SRGAP2: variants seen among roughly 807,000 people sequenced by gnomAD.
SRGAP2 encodes the protein SLIT-ROBO Rho GTPase activating protein 2, also known as SLIT-ROBO Rho GTPase-activating protein 2.
In SRGAP2, 15 loss-of-function variants were observed where a neutral mutation model predicts 57.2. The ratio of observed to expected loss-of-function variants is 0.26; its 90% CI spans 0.18 to 0.40. SRGAP2 has a LOEUF of 0.40. Ranked by LOEUF, SRGAP2 falls within the 10% of genes least tolerant of loss-of-function variation. The pLI is 1.00. For synonymous variants in SRGAP2, 249 were observed against 248.0 expected (o/e 1.00, Z -0.04); for missense variants, 520 against 669.6 (o/e 0.78, Z 2.47).
intron 2 of SRGAP2, among the ~76,000 whole-genome samples, chr1:206,283,194 T>A (rs1670828686): frequency 6.6e-6 from 1 of 152,038 alleles, no homozygotes; most frequent in Non-Finnish European, 1.5e-5. Flanking sequence ...AATTTCTGTA[T>A]ACTCCTACAG....
chr1:206,450,581 A>C (rs1663182214), intron 19 of SRGAP2, 116 bp downstream of exon 19: 2 of 635,820 alleles, frequency 3.1e-6, no homozygotes, highest in African/African-American at 3.6e-5. Context: ...GAGGGCAGGC[A>C]GAGAGCTCCC....
chr1:206,454,355 G>A lies in SRGAP2; in HGVS notation c.2361-523G>A. On this transcript the variant is annotated intron_variant, in intron 20 of 22. Transcript: ENST00000573034. This position sits in a 1 kb window ranked among gnomAD's most constrained non-coding sequence, Gnocchi z 4.3. ...TTCTTTGTCATCAGTAGCCAGAGGG[G>A]CCAGGAGAGCAGTGGAGAGACCTGG... The A allele has an allele frequency of 1.6e-6, 1 of 618,900 alleles. No individual in the cohort carries two copies. Among genetic ancestry groups the A allele is most frequent in the Non-Finnish European group, 2.9e-6 (1 of 345,988 alleles). The allele number at this position is 618,900 out of a possible 1,614,324, so 38.3% of individuals were successfully genotyped here. A position where few individuals can be genotyped will look rare whatever the true frequency, so the allele number is the denominator to read the frequency against.
intron 2 of SRGAP2, among the ~76,000 whole-genome samples, chr1:206,243,618 C>T (rs1409173844): frequency 7.2e-5 from 11 of 152,150 alleles, no homozygotes; most frequent in Non-Finnish European, 1.6e-4. Flanking sequence ...GTGTCTCAGA[C>T]TGAGATGGAG....
At chr1:206,229,940 A>ACACACACACACACG in intron 2 of SRGAP2, among the ~76,000 whole-genome samples, 1 of 151,194 alleles carries the variant, frequency 6.6e-6, no homozygotes, top group African/African-American at 2.4e-5. Flanking sequence ...ATACACACAC[A>ACACACACACACACG]CACACACACA....
chr1:206,393,430 G>A (rs1335673913), intron 6 of SRGAP2, 115 bp from the exon 7 acceptor site: 14 of 586,418 alleles, frequency 2.4e-5, no homozygotes, highest in African/African-American at 8.0e-5. Context: ...AGGCAGATGC[G>A]CATAGGGAGT....
chr1:206,432,685 G>A (rs1661378366), intron 14 of SRGAP2, among the ~76,000 whole-genome samples: 1 of 152,178 alleles, frequency 6.6e-6, no homozygotes, highest in African/African-American at 2.4e-5. Flanking sequence ...ATATCATGTA[G>A]AATACTACAG....
chr1:206,284,382 T>G (rs1243974824), intron 2 of SRGAP2, among the ~76,000 whole-genome samples: 4 of 151,942 alleles, frequency 2.6e-5, no homozygotes, highest in African/African-American at 9.7e-5. Context: ...TTTTTATGCT[T>G]CTAGTTGACA....
intron 10 of SRGAP2, among the ~76,000 whole-genome samples, chr1:206,412,538 G>C (rs1413149492): frequency 2.0e-5 from 3 of 152,206 alleles, no homozygotes; most frequent in African/African-American, 7.2e-5. Context: ...GAAGGAAAAA[G>C]AACTACCTAA....
At chr1:206,433,498 GGGTGT>G (rs1240304680) in intron 14 of SRGAP2, among the ~76,000 whole-genome samples, 1 of 152,022 alleles carries the variant, frequency 6.6e-6, no homozygotes, top group East Asian at 1.9e-4. Context: ...AAAATTAGCT[GGGTGT>G]GGTGTTGGGC....
chr1:206,461,015 C>T (rs545008102), intron 22 of SRGAP2, 22 bp from the exon 23 acceptor site: 5 of 674,606 alleles, frequency 7.4e-6, no homozygotes, highest in Non-Finnish European at 1.4e-5. Context: ...TGCCTCACCT[C>T]CTCCTTTTTC....
At chr1:206,296,608 A>T (rs1459362846) in intron 2 of SRGAP2, among the ~76,000 whole-genome samples, 7 of 152,030 alleles carry the variant, frequency 4.6e-5, no homozygotes, top group African/African-American at 7.3e-5. Flanking sequence ...TTAAAAAAAA[A>T]TTTTGTAGAG....
At chr1:206,307,797 A>AGCGCCGCAC (rs1321409238) in intron 3 of SRGAP2, among the ~76,000 whole-genome samples, 4 of 151,986 alleles carry the variant, frequency 2.6e-5, no homozygotes, top group African/African-American at 4.8e-5. Context: ...CTGGCCCGCA[A>AGCGCCGCAC]GCGCCGCACG....
chr1:206,458,273 G>A (rs1157364306), intron 21 of SRGAP2: 1 of 490,172 alleles, frequency 2.0e-6, no homozygotes, highest in East Asian at 5.9e-5. Context: ...CCTAGCTGGG[G>A]CCTTAGGTTT....
intron 3 of SRGAP2, among the ~76,000 whole-genome samples, chr1:206,306,257 T>G (rs1253372981): frequency 5.3e-5 from 8 of 152,004 alleles, no homozygotes; most frequent in Non-Finnish European, 5.9e-5. Flanking sequence ...AGTCTGTCCC[T>G]TCTGATGTTC....
At chr1:206,416,839 G>A (rs1659753547) in intron 11 of SRGAP2, among the ~76,000 whole-genome samples, 1 of 152,106 alleles carries the variant, frequency 6.6e-6, no homozygotes, top group African/African-American at 2.4e-5. Flanking sequence ...AAGCTGCAGG[G>A]AATATGTGCT....
At chr1:206,423,156 G>A (rs191021645) in intron 13 of SRGAP2, among the ~76,000 whole-genome samples, 131 of 152,234 alleles carry the variant, frequency 8.6e-4, no homozygotes, top group Non-Finnish European at 1.5e-3. Flanking sequence ...TTTTAAAAAG[G>A]AGACAGTCTC....
At chr1:206,430,622 C>CA (rs1553368044) in intron 14 of SRGAP2, among the ~76,000 whole-genome samples, 1 of 152,200 alleles carries the variant, frequency 6.6e-6, no homozygotes, top group East Asian at 1.9e-4. Context: ...AGTTTGAAAA[C>CA]AACTCCTTTC....
At chr1:206,256,754 C>T (rs1349135489) in intron 2 of SRGAP2, among the ~76,000 whole-genome samples, 1 of 151,800 alleles carries the variant, frequency 6.6e-6, no homozygotes, top group Non-Finnish European at 1.5e-5. Flanking sequence ...TGACAAAATC[C>T]AAAGTTAGAT....
chr1:206,214,534 C>T (rs1270723155), intron 2 of SRGAP2: 1 of 149,060 alleles, frequency 6.7e-6, no homozygotes, highest in Non-Finnish European at 1.5e-5. Context: ...CGTATCTTCA[C>T]CTATTGAAAT....
Sources: allele counts gnomAD v4.1 joint callset (sites outside exome capture counted in the v4.1 genomes callset), GRCh38; gene constraint gnomAD v4.1.1; non-coding constraint Gnocchi (gnomAD v3.1); transcripts MANE v1.5; gene names NCBI Gene and HGNC (gene_info 2026-07-23, HGNC 2026-07-21).